ADAMTS20: variants seen among roughly 807,000 people sequenced by gnomAD.
ADAMTS20 encodes the protein ADAM metallopeptidase with thrombospondin type 1 motif 20, also known as A disintegrin and metalloproteinase with thrombospondin motifs 20.
In ADAMTS20, 225 loss-of-function variants were observed where a neutral mutation model predicts 260.1. That is an observed-to-expected ratio of 0.87 (90% CI 0.78 to 0.97). The LOEUF is 0.97. ADAMTS20 is among the 50% of genes least tolerant of loss of function. The pLI is 0.00. For missense variants in ADAMTS20, 2,400 were observed against 2,337.7 expected, an observed-to-expected ratio of 1.03 and a Z score of -0.55; for synonymous variants, 802 against 769.5, an observed-to-expected ratio of 1.04 and a Z score of -0.70.
intron 19 of ADAMTS20, 76 bp downstream of exon 19, chr12:43,434,169 G>T: frequency 1.4e-6 from 2 of 1,421,376 alleles, no homozygotes; most frequent in Non-Finnish European, 1.9e-6. Context: ...TCCATGCTGT[G>T]TCAGTCACTG....
intron 15 of ADAMTS20, 23 bp downstream of exon 15, chr12:43,446,572 C>T: frequency 1.9e-6 from 3 of 1,587,152 alleles, no homozygotes; most frequent in Non-Finnish European, 2.6e-6. Context: ...AAAGCGAAAT[C>T]TAGAAACAAA....
At chr12:43,384,557 A>G (rs756726177) in intron 29 of ADAMTS20, among the ~76,000 whole-genome samples, 3 of 152,120 alleles carry the variant, frequency 2.0e-5, no homozygotes, top group Non-Finnish European at 2.9e-5. Context: ...GCAACCATCA[A>G]CCCGTCATCT....
chr12:43,368,248 G>A (rs1940030298), intron 37 of ADAMTS20, among the ~76,000 whole-genome samples: 1 of 152,044 alleles, frequency 6.6e-6, no homozygotes, highest in Admixed American at 6.6e-5. Flanking sequence ...GGAACCTTAC[G>A]ATTATATTAG....
chr12:43,431,499 G>A lies in ADAMTS20; in HGVS notation c.3097-3C>T, dbSNP rs926784511. 53 of 1,613,696 alleles carry A rather than the reference G, an allele frequency of 3.3e-5. No individual in the cohort carries two copies. Among genetic ancestry groups the A allele is most frequent in the Non-Finnish European group, 4.3e-5 (51 of 1,179,814 alleles). The stretch of plus-strand genomic sequence containing the variant: ...CCTTTACCACATGTAACAAGGCACT[G>A]TAAGAATAAAACTGATCATTATTTA... On this transcript the variant is annotated splice_region_variant and splice_polypyrimidine_tract_variant and intron_variant, in intron 21 of 38. Coordinates refer to ENST00000389420, the MANE Select transcript of ADAMTS20 (RefSeq NM_025003.5).
At chr12:43,384,655 T>C (rs1320573717) in intron 29 of ADAMTS20, among the ~76,000 whole-genome samples, 1 of 152,158 alleles carries the variant, frequency 6.6e-6, no homozygotes, top group African/African-American at 2.4e-5. Context: ...CCTCCATGTG[T>C]CCATGTGTTC....
intron 2 of ADAMTS20, among the ~76,000 whole-genome samples, chr12:43,539,294 A>G (rs1943341937): frequency 6.6e-6 from 1 of 152,144 alleles, no homozygotes; most frequent in Admixed American, 6.6e-5. Context: ...AGACATGTCT[A>G]GGATATAGTT....
Position 43,462,900 on chromosome 12 carries a change from C to T in ADAMTS20, c.1609G>A (p.Gly537Arg), listed in dbSNP as rs1208719306. 6 of 1,602,092 alleles carry T rather than the reference C, an allele frequency of 3.7e-6. No individual in the cohort carries two copies. The Admixed American group carries it at 5.1e-5, about 14-fold the overall frequency. Reference sequence around the variant, plus strand: ...CACCCTTCAAGAAAACCTACCATTCCAGGACCGCAGTCTGTTCCATCTGCT... The same window carrying T: ...CACCCTTCAAGAAAACCTACCATTCTAGGACCGCAGTCTGTTCCATCTGCT... ...PPADGTDCGP[G>R]MHCRHGLCVN... The change falls in exon 11 of 39, where the codon GGA becomes AGA. Residue 537 changes from glycine (G) to arginine (R), a missense_variant. Physicochemically the swap from Gly to Arg is moderately radical, Grantham distance 125. Coordinates refer to ENST00000389420, the MANE Select transcript of ADAMTS20 (RefSeq NM_025003.5).
At chr12:43,386,543 T>C (rs534966830) in intron 29 of ADAMTS20, among the ~76,000 whole-genome samples, 8 of 152,312 alleles carry the variant, frequency 5.3e-5, no homozygotes, top group African/African-American at 1.9e-4. Flanking sequence ...TCTTACTAGG[T>C]TGGGGACGTT....
Position 43,485,374 on chromosome 12 carries a change from C to G in ADAMTS20, c.1117+5021G>C, listed in dbSNP as rs181176552. On this transcript the variant is annotated intron_variant, in intron 7 of 38. Coordinates refer to ENST00000389420, the MANE Select transcript of ADAMTS20 (RefSeq NM_025003.5). ...AAAGAACTTGATAAAATCCAACATC[C>G]CTTTATGATAAAAATCCTCAAACTA... Among the ~76,000 whole-genome samples the G allele has an allele frequency of 2.3e-4, 35 of 152,072 alleles. No homozygotes were observed. The East Asian group carries it at 2.7e-3, about 12-fold the overall frequency.
At position 43,517,294 on chromosome 12, in the gene ADAMTS20, G is replaced by A. The variant is rs149462404; in HGVS notation, c.613+14742C>T. 2.3e-3 allele frequency among the ~76,000 whole-genome samples: 348 copies of A among 152,076 alleles called. 1 individual carries two copies. Among genetic ancestry groups the A allele is most frequent in the African/African-American group, 8.0e-3 (331 of 41,540 alleles). Reference sequence around the variant, plus strand: ...CTGTCTACATGATTACCAAGGTACCGAATCCAAAAGAATCAACAAATAAAC... The same window carrying A: ...CTGTCTACATGATTACCAAGGTACCAAATCCAAAAGAATCAACAAATAAAC... On this transcript the variant is annotated intron_variant, in intron 3 of 38. Coordinates refer to ENST00000389420, the MANE Select transcript of ADAMTS20 (RefSeq NM_025003.5).
At chr12:43,450,536 G>A (rs905975918) in intron 14 of ADAMTS20, among the ~76,000 whole-genome samples, 2 of 152,022 alleles carry the variant, frequency 1.3e-5, no homozygotes, top group African/African-American at 4.8e-5. Flanking sequence ...AACCTTTTCA[G>A]TATTTAAACT....
intron 4 of ADAMTS20, among the ~76,000 whole-genome samples, chr12:43,500,658 AT>A (rs1456165017): frequency 2.0e-5 from 3 of 152,326 alleles, no homozygotes; most frequent in Middle Eastern, 3.4e-3. Flanking sequence ...TCAAAAAATC[AT>A]TTTATATATT....
intron 14 of ADAMTS20, among the ~76,000 whole-genome samples, chr12:43,447,383 T>C (rs968040828): frequency 2.6e-5 from 4 of 151,882 alleles, no homozygotes; most frequent in Non-Finnish European, 1.5e-5. Context: ...CAGAACAAAA[T>C]ACAAAAATCA....
chr12:43,550,393 T>C (rs1943495945), intron 2 of ADAMTS20, among the ~76,000 whole-genome samples: 1 of 152,208 alleles, frequency 6.6e-6, no homozygotes, highest in Admixed American at 6.5e-5. Flanking sequence ...TCTTCCCTAC[T>C]CTACTTCACA....
intron 22 of ADAMTS20, 37 bp from the exon 23 acceptor site, chr12:43,430,508 TC>T: frequency 6.3e-7 from 1 of 1,578,882 alleles, no homozygotes; most frequent in African/African-American, 1.3e-5. Flanking sequence ...AAACATTGTT[TC>T]CCAAAAGTTA....
At chr12:43,409,484 C>G (rs1447130114) in intron 28 of ADAMTS20, among the ~76,000 whole-genome samples, 5 of 148,508 alleles carry the variant, frequency 3.4e-5, no homozygotes, top group Non-Finnish European at 7.5e-5. Context: ...CGCCTGTAGT[C>G]CCAGCTACTT....
In ADAMTS20 at chr12:43,432,412, G is replaced by C. The variant is rs775120465; in HGVS notation, c.2988C>G (p.Asn996Lys). Reference protein sequence around the residue: ...ERSRESYCMNNFGHRLADNEC... With the variant: ...ERSRESYCMNKFGHRLADNEC... ...CATTGTCAGCAAGACGATGGCCAAAGTTATTCATACAATAAGATTCTCGAG... is the reference window on the plus strand; with the variant it reads ...CATTGTCAGCAAGACGATGGCCAAACTTATTCATACAATAAGATTCTCGAG... Residue 996 changes from asparagine (N) to lysine (K), a missense_variant, in exon 21 of 39, where the codon AAC becomes AAG. By Grantham distance (94) the Asn-to-Lys change is moderately conservative. Transcript: ENST00000389420. The C allele has an allele frequency of 2.5e-6, 4 of 1,613,374 alleles. No homozygotes were observed. Among genetic ancestry groups the C allele is most frequent in the East Asian group, 2.2e-5 (1 of 44,834 alleles).
Position 43,468,647 on chromosome 12 carries a change from T to G in ADAMTS20, c.1176A>C (p.Glu392Asp). The G allele has an allele frequency of 6.2e-7, 1 of 1,611,710 alleles. No homozygotes were observed. The highest frequency in any genetic ancestry group is 8.5e-7 in the Non-Finnish European group (1 of 1,178,858). ...TAGTAAAAGCAGAAATGAGTCCTTTTTCTTCATTAATAAAGCAGCTTTGTA... is the reference window on the plus strand; with the variant it reads ...TAGTAAAAGCAGAAATGAGTCCTTTGTCTTCATTAATAAAGCAGCTTTGTA... ...DPLQSCFINE[E>D]KGLISAFTIA... The change falls in exon 8 of 39, where the codon GAA (glutamate) becomes GAC (aspartate). Residue 392 changes from glutamate (E) to aspartate (D), a missense_variant. Coordinates refer to ENST00000389420, the MANE Select transcript of ADAMTS20 (RefSeq NM_025003.5).
chr12:43,471,032 C>G (rs543873572), intron 7 of ADAMTS20, among the ~76,000 whole-genome samples: 1 of 152,148 alleles, frequency 6.6e-6, no homozygotes, highest in Non-Finnish European at 1.5e-5. Flanking sequence ...CCAGCGTGAG[C>G]GACGCAGAAG....
Sources: allele counts gnomAD v4.1 joint callset (sites outside exome capture counted in the v4.1 genomes callset), GRCh38; gene constraint gnomAD v4.1.1; transcripts MANE v1.5; gene names NCBI Gene and HGNC (gene_info 2026-07-23, HGNC 2026-07-21).